CUBN: variants seen among roughly 807,000 people sequenced by gnomAD.
CUBN encodes the protein 460 kDa receptor.
A neutral mutation model predicts 405.3 loss-of-function variants in CUBN; 282 were observed. The ratio of observed to expected loss-of-function variants is 0.70; its 90% confidence interval spans 0.63 to 0.77. The LOEUF is 0.77. CUBN is among the 30% of genes least tolerant of loss of function. The pLI, the probability that CUBN is intolerant of heterozygous loss-of-function variation, is 0.00. For missense variants in CUBN, 4,514 were observed against 4,475.2 expected (o/e 1.01, Z -0.25); for synonymous variants, 1,684 against 1,617.0 (o/e 1.04, Z -0.99).
At chr10:16,964,890 A>G (rs1285411881) in intron 31 of CUBN, among the ~76,000 whole-genome samples, 2 of 152,230 alleles carry the variant, frequency 1.3e-5, no homozygotes, top group East Asian at 1.9e-4. Flanking sequence ...CTAGGCTTGT[A>G]TAGACAACTG....
At position 16,906,268 on chromosome 10, in the gene CUBN, T is replaced by A. The variant is rs1187438101; in HGVS notation, c.7847A>T (p.His2616Leu). 1 of 1,614,126 alleles carries A rather than the reference T, an allele frequency of 6.2e-7. No individual in the cohort carries two copies. Among genetic ancestry groups the A allele is most frequent in the Non-Finnish European group, 8.5e-7 (1 of 1,179,950 alleles). ...ACTTTCTAGGTAAAAATCTTCAAAG[T>A]GAATGGAAATGGATGAATTTCCCTG... ...PNQGNSSISI[H>L]FEDFYLESHQ... Residue 2616 changes from histidine to leucine, a missense_variant, in exon 50 of 67, where the codon CAC (histidine) becomes CTC (leucine). Around this residue, in one of 5 missense-constraint regions of CUBN, gnomAD observed 1,613 missense variants for 1,542.8 expected, o/e 1.05. Transcript: ENST00000377833.
chr10:16,938,866 T>C, intron 38 of CUBN, 97 bp downstream of exon 38: 1 of 1,098,042 alleles, frequency 9.1e-7, no homozygotes, highest in Non-Finnish European at 1.4e-6. Flanking sequence ...CTATCCCACA[T>C]GATTTGCAAA....
At position 16,962,278 on chromosome 10, in the gene CUBN, G is replaced by C. The variant is rs1333973172; in HGVS notation, c.4696-7730C>G. 4.6e-5 allele frequency among the ~76,000 whole-genome samples: 7 copies of C among 152,292 alleles called. No homozygotes were observed. The East Asian group carries it at 9.6e-4, about 21-fold the overall frequency. On this transcript the variant is annotated intron_variant, in intron 31 of 66. Transcript: ENST00000377833. The stretch of plus-strand genomic sequence containing the variant: ...ATAGATGTTAGCCTCTAGTATCAAA[G>C]TGAGACAAAGTGGGAGCTAAATTGC...
At position 16,915,802 on chromosome 10, in the gene CUBN, G is replaced by A; in HGVS notation, c.7210+19C>T. On this transcript the variant is annotated intron_variant, in intron 46 of 66. Coordinates refer to ENST00000377833, the MANE Select transcript of CUBN (RefSeq NM_001081.4). ...TGTGAAAATAAACACCCAAAAGAGA[G>A]CAGATATATTTTACTAACCAGAGGT... The A allele has an allele frequency of 6.3e-7, 1 of 1,588,558 alleles. No individual in the cohort carries two copies. Among genetic ancestry groups the A allele is most frequent in the Non-Finnish European group, 8.6e-7 (1 of 1,158,398 alleles).
At chr10:16,935,472 C>T (rs1842474074) in intron 39 of CUBN, among the ~76,000 whole-genome samples, 1 of 152,156 alleles carries the variant, frequency 6.6e-6, no homozygotes, top group Admixed American at 6.5e-5. Context: ...TTTTAAGCTC[C>T]TGGAGAGTAG....
intron 29 of CUBN, among the ~76,000 whole-genome samples, chr10:16,985,680 G>C (rs753547225): frequency 6.6e-6 from 1 of 152,204 alleles, no homozygotes; most frequent in African/African-American, 2.4e-5. Context: ...TCCTGCACCT[G>C]CCAATCTGCA....
At position 17,019,846 on chromosome 10, in the gene CUBN, C is replaced by T. The variant is rs1834443273; in HGVS notation, c.4155G>A (p.Gln1385=). Residue 1385 remains glutamine (Q), a synonymous_variant, in exon 28 of 67, where the codon CAG becomes CAA. Transcript: ENST00000377833. ...VGRREKGFQM[Q]WFVYGCGGEL... is the part of the protein sequence containing the mutation. ...CACCTGGCTTACCGTAAACAAACCACTGCATCTGAAATCCTTTCTCACGGC... is the reference window on the plus strand; with the variant it reads ...CACCTGGCTTACCGTAAACAAACCATTGCATCTGAAATCCTTTCTCACGGC... The T allele has an allele frequency of 1.2e-6, 2 of 1,614,038 alleles. No homozygotes were observed. The highest frequency in any genetic ancestry group is 1.7e-6 in the Non-Finnish European group (2 of 1,180,010).
At chr10:16,869,568 CG>C in intron 59 of CUBN, 67 bp downstream of exon 59, 1 of 940,424 alleles carries the variant, frequency 1.1e-6, no homozygotes, top group Non-Finnish European at 1.6e-6. Context: ...GGGGGGGGGG[CG>C]GGGAAATTAA....
chr10:17,061,888 C>T (rs987892480), intron 22 of CUBN, among the ~76,000 whole-genome samples: 4 of 152,140 alleles, frequency 2.6e-5, no homozygotes, highest in Non-Finnish European at 5.9e-5. Context: ...GCAATGGATT[C>T]TAAGACGGGA....
At chr10:16,886,451 G>T (rs1047298845) in intron 56 of CUBN, among the ~76,000 whole-genome samples, 2 of 152,150 alleles carry the variant, frequency 1.3e-5, no homozygotes, top group African/African-American at 4.8e-5. Flanking sequence ...GATAAATTGT[G>T]GTTTAGAAAT....
At chr10:17,008,252 T>TGTGC (rs1157148291) in intron 28 of CUBN, among the ~76,000 whole-genome samples, 1 of 149,456 alleles carries the variant, frequency 6.7e-6, no homozygotes, top group Non-Finnish European at 1.5e-5. Flanking sequence ...TGTGTGTGTG[T>TGTGC]GTGTGTGTGT....
chr10:17,022,398 T>C (rs906289104), intron 27 of CUBN, among the ~76,000 whole-genome samples: 3 of 152,202 alleles, frequency 2.0e-5, no homozygotes. Context: ...CTGCTGTAGC[T>C]TCCTTTTTTT....
chr10:16,882,720 A>G (rs1840697394), intron 56 of CUBN, among the ~76,000 whole-genome samples: 1 of 152,192 alleles, frequency 6.6e-6, no homozygotes, highest in African/African-American at 2.4e-5. Context: ...GGAAATAGAA[A>G]TGGGTTCTAG....
chr10:16,941,343 C>T (rs538370814), intron 36 of CUBN, among the ~76,000 whole-genome samples: 7 of 152,188 alleles, frequency 4.6e-5, no homozygotes, highest in African/African-American at 9.6e-5. Context: ...TGCCTATCTT[C>T]GTACACAGAA....
intron 10 of CUBN, among the ~76,000 whole-genome samples, chr10:17,107,646 C>T (rs1836668436): frequency 1.3e-5 from 2 of 151,878 alleles, no homozygotes; most frequent in South Asian, 4.2e-4. Context: ...TACAGGTGCC[C>T]GCCACCACGC....
At chr10:16,977,962 T>G (rs1051048236) in intron 31 of CUBN, among the ~76,000 whole-genome samples, 3 of 152,224 alleles carry the variant, frequency 2.0e-5, no homozygotes, top group Non-Finnish European at 2.9e-5. Flanking sequence ...AAATGATGTC[T>G]AGAATGTTAA....
At position 17,100,205 on chromosome 10, in the gene CUBN, T is replaced by C; in HGVS notation, c.1565A>G (p.Glu522Gly). 1 of 1,613,834 alleles carries C rather than the reference T, an allele frequency of 6.2e-7. No individual in the cohort carries two copies. Among genetic ancestry groups the C allele is most frequent in the Non-Finnish European group, 8.5e-7 (1 of 1,179,780 alleles). Residue 522 changes from glutamate (E) to glycine (G), a missense_variant, in exon 14 of 67, where the codon GAA (glutamate) becomes GGA (glycine). This residue lies in a region of CUBN where 1,448 missense variants were observed against 1,388.0 expected (regional missense o/e 1.04). Coordinates refer to ENST00000377833, the MANE Select transcript of CUBN (RefSeq NM_001081.4). Reference protein sequence around the residue: ...LRITFTFFRLESMDNCPHEFL... With the variant: ...LRITFTFFRLGSMDNCPHEFL... ...CTCGTGTGGACAGTTGTCCATGGAT[T>C]CTAACCGGAAAAAAGTGAAAGTGAT...
chr10:16,949,929 C>CCTATAAATATGCGGAT, intron 34 of CUBN, 72 bp downstream of exon 34: 1 of 1,096,430 alleles, frequency 9.1e-7, no homozygotes, highest in Non-Finnish European at 1.4e-6. Flanking sequence ...AGAATGGCAG[C>CCTATAAATATGCGGAT]CTATAAATAT....
At chr10:16,899,719 G>C (rs1408676909) in intron 53 of CUBN, among the ~76,000 whole-genome samples, 2 of 152,122 alleles carry the variant, frequency 1.3e-5, no homozygotes, top group Non-Finnish European at 2.9e-5. Context: ...GAAAAATCTA[G>C]AATTTTCATA....
Sources: gnomAD v4.1 joint callset for allele counts (sites outside exome capture counted in the v4.1 genomes callset) on GRCh38, gnomAD v4.1.1 for gene constraint, gnomAD v4.1.1 regional missense constraint, MANE v1.5 for transcripts, NCBI Gene and HGNC (gene_info 2026-07-23, HGNC 2026-07-21) for gene names.